SHROOM4: variants seen among roughly 807,000 people sequenced by gnomAD.
SHROOM4 encodes protein Shroom4.
A neutral mutation model predicts 80.3 loss-of-function variants in SHROOM4; 17 were observed. That is an observed-to-expected ratio of 0.21 (90% CI 0.14 to 0.32). SHROOM4 has a LOEUF of 0.32. Among genes scored for constraint, SHROOM4 ranks in the 10% least tolerant of loss-of-function variants. The pLI is 1.00. For synonymous variants in SHROOM4, 400 were observed against 437.5 expected, an observed-to-expected ratio of 0.91 and a Z score of 1.07; for missense variants, 993 against 1,140.3, an observed-to-expected ratio of 0.87 and a Z score of 1.86.
intron 1 of SHROOM4, among the ~76,000 whole-genome samples, chrX:50,699,949 A>G (rs1933473384): frequency 8.9e-6 from 1 of 112,501 alleles, no homozygotes; most frequent in Admixed American, 9.4e-5. Flanking sequence ...GAGGAGAAAC[A>G]CCATCTGCAG....
chrX:50,739,982 C>A (rs1363994096), intron 1 of SHROOM4, among the ~76,000 whole-genome samples: 6 of 47,870 alleles, frequency 1.3e-4, no homozygotes, highest in African/African-American at 1.7e-4. Context: ...CACATATACA[C>A]CATGGAATAC....
At position 50,607,802 on chromosome X, in the gene SHROOM4, G is replaced by T. The variant is rs782529561; in HGVS notation, c.3340C>A (p.Leu1114Ile). Residue 1114 changes from leucine (L) to isoleucine (I), a missense_variant, in exon 6 of 9, where the codon CTC becomes ATC. Leu to Ile is a conservative substitution (Grantham distance 5, BLOSUM62 2). Transcript: ENST00000376020. ...PPPPNWEKYR[L>I]FRAAQQQKQQ... is the part of the protein sequence containing the mutation. ...TTCTGCTGCTGGGCTGCACGAAAGA[G>T]CCTGTACTTCTCCCAGTTGGGAGGA... 1 of 1,190,088 alleles carries T rather than the reference G, an allele frequency of 8.4e-7. No homozygotes were observed. Among genetic ancestry groups the T allele is most frequent in the South Asian group, 1.9e-5 (1 of 51,863 alleles).
intron 1 of SHROOM4, among the ~76,000 whole-genome samples, chrX:50,719,515 A>G (rs188470867): frequency 9.0e-6 from 1 of 111,070 alleles, no homozygotes; most frequent in African/African-American, 3.3e-5. Context: ...AGTAACCTCA[A>G]CCCCTTCTTC....
intron 1 of SHROOM4, among the ~76,000 whole-genome samples, chrX:50,778,500 T>C (rs1393839749): frequency 1.8e-5 from 2 of 111,740 alleles, no homozygotes; most frequent in Non-Finnish European, 3.8e-5. Flanking sequence ...GTGATTTGTA[T>C]ACACAGTAAT....
downstream of SHROOM4, among the ~76,000 whole-genome samples, chrX:50,586,341 A>AT (rs1332703786): frequency 8.9e-6 from 1 of 111,748 alleles, no homozygotes; most frequent in Non-Finnish European, 1.9e-5. Context: ...CTTTTCCCAG[A>AT]TTTTTTCCTT....
rs1016983257 is a variant in SHROOM4 at position 50,633,741 on chromosome X, C to G, written c.2332G>C (p.Glu778Gln). ...LPFADRRKFF[E>Q]ESSKSLSTSH... is the part of the protein sequence containing the mutation. ...GTAGATAAGGATTTGCTACTCTCTT[C>G]AAAGAACTTTCTTCTGTCTGCAAAA... The change falls in exon 4 of 9, where the codon GAA becomes CAA. Residue 778 changes from glutamate (E) to glutamine (Q), a missense_variant. Coordinates refer to ENST00000376020, the MANE Select transcript of SHROOM4 (RefSeq NM_020717.5). The G allele has an allele frequency of 8.3e-7, 1 of 1,212,060 alleles. No individual in the cohort carries two copies. The highest frequency in any genetic ancestry group is 2.2e-5 in the Admixed American group (1 of 46,097).
chrX:50,679,220 T>C (rs1183157259), intron 2 of SHROOM4, among the ~76,000 whole-genome samples: 1 of 111,076 alleles, frequency 9.0e-6, no homozygotes, highest in Non-Finnish European at 1.9e-5. Context: ...TTATAGTTGA[T>C]TTAAAAAGAT....
intron 1 of SHROOM4, among the ~76,000 whole-genome samples, chrX:50,756,887 G>A (rs1408384234): frequency 3.6e-5 from 4 of 111,770 alleles, no homozygotes; most frequent in African/African-American, 9.7e-5. Flanking sequence ...TGAATCTAAA[G>A]ACTTTGTATG....
intron 1 of SHROOM4, among the ~76,000 whole-genome samples, chrX:50,782,571 T>C (rs1404447082): frequency 8.9e-6 from 1 of 111,777 alleles, no homozygotes; most frequent in Non-Finnish European, 1.9e-5. Context: ...TTAAGAGAAG[T>C]TACATAGTGA....
rs782303837 is a variant in SHROOM4 at position 50,695,693 on chromosome X, A to G, written c.269+93T>C. ...TTCAAGTGAAACACCTCTTTCCTTT[A>G]TAATATTGATAGAGACATGACTCTA... On this transcript the variant is annotated intron_variant, in intron 2 of 8. Transcript: ENST00000376020. 7.6e-5 allele frequency: 76 copies of G among 997,700 alleles called. 1 individual carries two copies. The highest frequency in any genetic ancestry group is 9.9e-5 in the Non-Finnish European group (70 of 704,669). The allele number at this position is 997,700 out of a possible 1,213,427, so 82.2% of individuals were successfully genotyped here. A position where few individuals can be genotyped will look rare whatever the true frequency, so the allele number is the denominator to read the frequency against.
At chrX:50,620,838 C>T (rs1913234548) in intron 5 of SHROOM4, among the ~76,000 whole-genome samples, 1 of 111,450 alleles carries the variant, frequency 9.0e-6, no homozygotes, top group Admixed American at 9.5e-5. Context: ...ATTTTCCTTG[C>T]CCACTTACGA....
At chrX:50,671,333 A>G (rs1275728857) in intron 2 of SHROOM4, among the ~76,000 whole-genome samples, 16 of 112,011 alleles carry the variant, frequency 1.4e-4, no homozygotes, top group African/African-American at 5.2e-4. Flanking sequence ...AGCCTATCCC[A>G]TGAAGTTTTA....
chrX:50,694,774 G>A (rs782048660), intron 2 of SHROOM4, among the ~76,000 whole-genome samples: 18 of 108,329 alleles, frequency 1.7e-4, no homozygotes, highest in Non-Finnish European at 3.1e-4. Context: ...TGCAGAGGGT[G>A]GAAAGCTAAA....
At chrX:50,641,845 C>A (rs1330814234) in intron 2 of SHROOM4, among the ~76,000 whole-genome samples, 1 of 112,309 alleles carries the variant, frequency 8.9e-6, no homozygotes, top group Non-Finnish European at 1.9e-5. Flanking sequence ...CTCCTGACCT[C>A]AGGTGATCCA....
At chrX:50,695,736 C>T in intron 2 of SHROOM4, 50 bp downstream of exon 2, 1 of 1,186,353 alleles carries the variant, frequency 8.4e-7, no homozygotes, top group Non-Finnish European at 1.1e-6. Flanking sequence ...TTATTACCAA[C>T]CAAGTTTCAG....
chrX:50,773,981 G>A (rs1167070654), intron 1 of SHROOM4, among the ~76,000 whole-genome samples: 1 of 112,001 alleles, frequency 8.9e-6, no homozygotes, highest in African/African-American at 3.2e-5. Context: ...CATGGGCTTT[G>A]GAAAAATTAA....
rs782460307 is a variant in SHROOM4, at chrX:50,633,424, G to T, written c.2649C>A (p.His883Gln). 7 of 1,212,040 alleles carry T rather than the reference G, an allele frequency of 5.8e-6. No homozygotes were observed. The highest frequency in any genetic ancestry group is 7.8e-6 in the Non-Finnish European group (7 of 895,477). The change falls in exon 4 of 9, where the codon CAC becomes CAA. Residue 883 changes from histidine to glutamine, a missense_variant. Coordinates refer to ENST00000376020, the MANE Select transcript of SHROOM4 (RefSeq NM_020717.5). ...KPLHCGDFDYHRTCSYSCSVQ... is the reference protein window; with the variant it reads ...KPLHCGDFDYQRTCSYSCSVQ... The stretch of plus-strand genomic sequence containing the variant: ...CACTGCAGGAGTAAGAGCAGGTCCT[G>T]TGGTAATCAAAATCACCACAGTGTA...
chrX:50,710,614 G>A (rs192733788), intron 1 of SHROOM4, among the ~76,000 whole-genome samples: 30 of 111,130 alleles, frequency 2.7e-4, no homozygotes, highest in Admixed American at 2.1e-3. Flanking sequence ...TCAGCATCAC[G>A]AAATACACCC....
At chrX:50,746,010 T>C (rs1488670846) in intron 1 of SHROOM4, among the ~76,000 whole-genome samples, 4 of 112,024 alleles carry the variant, frequency 3.6e-5, no homozygotes, top group African/African-American at 9.7e-5. Context: ...TCACAATTGT[T>C]AATTCAACAC....
Sources: gnomAD v4.1 joint callset for allele counts (sites outside exome capture counted in the v4.1 genomes callset) on GRCh38, gnomAD v4.1.1 for gene constraint, MANE v1.5 for transcripts, NCBI Gene and HGNC (gene_info 2026-07-23, HGNC 2026-07-21) for gene names.